The following LSAMP variants were observed in gnomAD, a reference collection of about 807,000 sequenced individuals.
LSAMP encodes limbic system-associated membrane protein.
LSAMP carries 7 observed loss-of-function variants against 38.6 expected under a neutral mutation model. That is an observed-to-expected ratio of 0.18 (90% CI 0.10 to 0.34). The LOEUF (loss-of-function observed/expected upper bound fraction) is 0.34. Ranked by LOEUF, LSAMP falls within the 10% of genes least tolerant of loss-of-function variation. The pLI, the probability that LSAMP is intolerant of heterozygous loss-of-function variation, is 1.00. For synonymous variants in LSAMP, 154 were observed against 166.8 expected, an observed-to-expected ratio of 0.92 and a Z score of 0.59; for missense variants, 313 against 420.0, an observed-to-expected ratio of 0.75 and a Z score of 2.23.
chr3:116,075,372 G>A (rs1407866280), intron 2 of LSAMP, among the ~76,000 whole-genome samples: 3 of 151,048 alleles, frequency 2.0e-5, no homozygotes, highest in East Asian at 2.0e-4. Context: ...TCCTGACCTC[G>A]TGATCCGCCC....
chr3:115,918,929 A>G lies in LSAMP; in HGVS notation c.515-66312T>C, dbSNP rs115530041. On this transcript the variant is annotated intron_variant, in intron 3 of 6. Transcript: ENST00000490035. The stretch of plus-strand genomic sequence containing the variant: ...AACAATCCTATGAAATAGAGGCTAA[A>G]TGATTGCCTGAGGCTACAAAACTGG... Among the ~76,000 whole-genome samples, 418 of 152,256 alleles carry G rather than the reference A, an allele frequency of 2.7e-3. 2 individuals are homozygous for G. The highest frequency in any genetic ancestry group is 9.6e-3 in the African/African-American group (397 of 41,524).
At chr3:116,230,549 G>C (rs536576345) in intron 1 of LSAMP, among the ~76,000 whole-genome samples, 1 of 152,218 alleles carries the variant, frequency 6.6e-6, no homozygotes, top group South Asian at 2.1e-4. Flanking sequence ...TTCCTGTAAT[G>C]CAATAGTGCT....
chr3:116,038,405 G>A (rs889923772), intron 2 of LSAMP, among the ~76,000 whole-genome samples: 6 of 152,142 alleles, frequency 3.9e-5, no homozygotes, highest in African/African-American at 1.2e-4. Flanking sequence ...ATGAATAAAT[G>A]TATCAGTGAA....
At chr3:115,904,796 C>T (rs1167676076) in intron 3 of LSAMP, among the ~76,000 whole-genome samples, 1 of 152,086 alleles carries the variant, frequency 6.6e-6, no homozygotes, top group Non-Finnish European at 1.5e-5. Flanking sequence ...TTACCACTTC[C>T]TATTGTGCTG....
At chr3:116,329,444 A>G (rs1559830087) in intron 1 of LSAMP, among the ~76,000 whole-genome samples, 1 of 152,190 alleles carries the variant, frequency 6.6e-6, no homozygotes, top group Non-Finnish European at 1.5e-5. Flanking sequence ...CCTTTTTAAG[A>G]GTATGACTGA....
At chr3:116,333,198 T>C (rs2047873564) in intron 1 of LSAMP, among the ~76,000 whole-genome samples, 1 of 152,148 alleles carries the variant, frequency 6.6e-6, no homozygotes, top group Non-Finnish European at 1.5e-5. Flanking sequence ...TACCCTGGGA[T>C]ATTTTTAATG....
At chr3:116,377,568 C>T (rs966539004) in intron 1 of LSAMP, among the ~76,000 whole-genome samples, 11 of 151,834 alleles carry the variant, frequency 7.2e-5, no homozygotes, top group Non-Finnish European at 1.0e-4. Context: ...TGTAATAGAA[C>T]GATTTATGTT....
intron 1 of LSAMP, among the ~76,000 whole-genome samples, chr3:116,418,752 T>C (rs554685297): frequency 2.0e-5 from 3 of 152,336 alleles, no homozygotes; most frequent in African/African-American, 7.2e-5. Context: ...TACATTTTCA[T>C]GTAGACAGAT....
chr3:116,146,584 C>T lies in LSAMP; in HGVS notation c.156-60028G>A, dbSNP rs770006972. ...CTTTTGCTATCACCATACCAGCACA[C>T]CAATTAGAAACAGTAACTTTGTGTT... is the stretch of plus-strand genomic sequence containing the variant. On this transcript the variant is annotated intron_variant, in intron 1 of 6. Coordinates refer to ENST00000490035, the MANE Select transcript of LSAMP (RefSeq NM_002338.5). 3.3e-5 allele frequency among the ~76,000 whole-genome samples: 5 copies of T among 151,800 alleles called. No individual in the cohort carries two copies. The South Asian group carries it at 8.3e-4, about 25-fold the overall frequency.
chr3:116,077,372 C>G (rs947930648), intron 2 of LSAMP, among the ~76,000 whole-genome samples: 2 of 151,868 alleles, frequency 1.3e-5, no homozygotes, highest in Non-Finnish European at 2.9e-5. Flanking sequence ...TTAAATACAT[C>G]AAGAATAGAA....
chr3:116,309,150 T>C (rs1488589038), intron 1 of LSAMP, among the ~76,000 whole-genome samples: 5 of 152,122 alleles, frequency 3.3e-5, no homozygotes, highest in South Asian at 2.1e-4. Flanking sequence ...CTTTGTTCTA[T>C]TTATAAAGCA....
At chr3:115,961,963 C>T (rs945569066) in intron 3 of LSAMP, among the ~76,000 whole-genome samples, 2 of 152,116 alleles carry the variant, frequency 1.3e-5, no homozygotes, top group African/African-American at 4.8e-5. Context: ...GCTTTTGGGT[C>T]CTGGAACTAC....
chr3:116,108,342 T>A (rs1443287323), intron 1 of LSAMP, among the ~76,000 whole-genome samples: 1 of 151,854 alleles, frequency 6.6e-6, no homozygotes, highest in Non-Finnish European at 1.5e-5. Context: ...CTTAAAAGAG[T>A]ACTGTCTAAG....
intron 1 of LSAMP, among the ~76,000 whole-genome samples, chr3:116,104,610 G>T (rs1708420570): frequency 6.6e-6 from 1 of 152,110 alleles, no homozygotes; most frequent in Admixed American, 6.6e-5. Context: ...CAACATAAAA[G>T]GTCAGATACT....
intron 4 of LSAMP, among the ~76,000 whole-genome samples, chr3:115,851,172 T>C (rs1935319608): frequency 6.6e-6 from 1 of 152,040 alleles, no homozygotes; most frequent in Non-Finnish European, 1.5e-5. Context: ...CAGGGTATCA[T>C]CATGTTGGCC....
At chr3:116,329,497 T>C (rs1367886792) in intron 1 of LSAMP, among the ~76,000 whole-genome samples, 2 of 152,174 alleles carry the variant, frequency 1.3e-5, no homozygotes, top group African/African-American at 4.8e-5. Context: ...AACATGAACT[T>C]TGGACTTTTG....
intron 1 of LSAMP, among the ~76,000 whole-genome samples, chr3:116,291,658 C>A (rs1221936594): frequency 6.6e-6 from 1 of 152,148 alleles, no homozygotes; most frequent in Non-Finnish European, 1.5e-5. Context: ...TATAAGTGAG[C>A]TTTGATGGTT....
At chr3:116,097,230 G>A (rs1708244291) in intron 1 of LSAMP, among the ~76,000 whole-genome samples, 1 of 152,106 alleles carries the variant, frequency 6.6e-6, no homozygotes, top group Non-Finnish European at 1.5e-5. Flanking sequence ...AAAAAAATAT[G>A]GTCTTTTCCA....
At chr3:115,976,769 C>T (rs57132467) in intron 3 of LSAMP, among the ~76,000 whole-genome samples, 43,763 of 151,878 alleles carry the variant, frequency 0.29, 7,854 homozygotes, top group African/African-American at 0.52. Flanking sequence ...TAAAGGTGTG[C>T]GGCCCCTCCC....
Sources: gnomAD v4.1 joint callset for allele counts (sites outside exome capture counted in the v4.1 genomes callset) on GRCh38, gnomAD v4.1.1 for gene constraint, MANE v1.5 for transcripts, NCBI Gene and HGNC (gene_info 2026-07-23, HGNC 2026-07-21) for gene names.